EML6: variants seen among roughly 807,000 people sequenced by gnomAD.
EML6 encodes echinoderm microtubule-associated protein-like 6.
In EML6, 154 loss-of-function variants were observed where a neutral mutation model predicts 240.1. The ratio of observed to expected loss-of-function variants is 0.64; its 90% CI spans 0.56 to 0.73. EML6 has a LOEUF of 0.73. EML6 is among the 30% of genes least tolerant of loss of function. The pLI is 0.00. For missense variants in EML6, 2,964 were observed against 2,474.6 expected (o/e 1.20, Z -4.20); for synonymous variants, 1,148 against 899.0 (o/e 1.28, Z -4.95).
chr2:54,843,989 T>C (rs1669612633), intron 7 of EML6, 58 bp from the exon 8 acceptor site: 1 of 1,070,784 alleles, frequency 9.3e-7, no homozygotes, highest in Non-Finnish European at 1.4e-6. Flanking sequence ...TGTGTGTGTG[T>C]GTGTGTGTGT....
intron 2 of EML6, among the ~76,000 whole-genome samples, chr2:54,799,031 G>T (rs1669970260): frequency 6.6e-6 from 1 of 152,096 alleles, no homozygotes; most frequent in South Asian, 2.1e-4. Context: ...TGAGATGATT[G>T]TATTTTTTTT....
intron 34 of EML6, among the ~76,000 whole-genome samples, chr2:54,959,947 A>G (rs192603733): frequency 1.7e-4 from 26 of 152,294 alleles, no homozygotes; most frequent in Non-Finnish European, 3.4e-4. Flanking sequence ...TAATCTAATA[A>G]AAAGTCTGAA....
intron 13 of EML6, 143 bp from the exon 14 acceptor site, chr2:54,866,623 A>G: frequency 2.2e-6 from 1 of 461,330 alleles, no homozygotes; most frequent in Non-Finnish European, 4.0e-6. Context: ...TTCATTAGGA[A>G]AAAGTAATAT....
intron 2 of EML6, among the ~76,000 whole-genome samples, chr2:54,730,306 G>A (rs977449747): frequency 6.6e-6 from 1 of 152,184 alleles, no homozygotes; most frequent in African/African-American, 2.4e-5. Context: ...GAACTTGTTG[G>A]ATTTGAAGAG....
intron 26 of EML6, among the ~76,000 whole-genome samples, chr2:54,919,426 T>C: frequency 6.6e-6 from 1 of 152,202 alleles, no homozygotes; most frequent in East Asian, 1.9e-4. Context: ...TTGGACACTT[T>C]TCCTTTCTTC....
At chr2:54,851,601 A>G (rs1023229313) in intron 10 of EML6, among the ~76,000 whole-genome samples, 1 of 152,218 alleles carries the variant, frequency 6.6e-6, no homozygotes. Context: ...TTTTTAAAGT[A>G]GAGAAAATCT....
chr2:54,806,737 T>C lies in EML6; in HGVS notation c.198-6495T>C, dbSNP rs988636471. Among the ~76,000 whole-genome samples, 10 of 152,036 alleles carry C rather than the reference T, an allele frequency of 6.6e-5. No individual in the cohort carries two copies. In the East Asian group the frequency reaches 1.7e-3, roughly 26 times the overall value. On this transcript the variant is annotated intron_variant, in intron 2 of 41. Transcript: ENST00000356458. ...CAATACCACCTATATAGTGCTAGGT[T>C]TTAAGTGCTACTGTTTTAATCACTG...
In EML6 at chr2:54,877,984, G is replaced by C. The variant is rs144120966; in HGVS notation, c.2345-1563G>C. Among the ~76,000 whole-genome samples, 114 of 152,370 alleles carry C rather than the reference G, an allele frequency of 7.5e-4. 1 individual carries two copies. The highest frequency in any genetic ancestry group is 2.6e-3 in the African/African-American group (109 of 41,582). On this transcript the variant is annotated intron_variant, in intron 16 of 41. Transcript: ENST00000356458. Reference sequence around the variant, plus strand: ...GCCCTCAAAGCATGGGCATTGGTTAGCAATTGAGATGGGGTTGCCAGATTA... The same window carrying C: ...GCCCTCAAAGCATGGGCATTGGTTACCAATTGAGATGGGGTTGCCAGATTA...
chr2:54,925,904 C>G (rs948485265), intron 26 of EML6, among the ~76,000 whole-genome samples: 1 of 152,160 alleles, frequency 6.6e-6, no homozygotes, highest in Non-Finnish European at 1.5e-5. Context: ...TAAAACCCTC[C>G]ATGCCCTCAA....
At chr2:54,802,370 A>G (rs1670198905) in intron 2 of EML6, among the ~76,000 whole-genome samples, 3 of 152,202 alleles carry the variant, frequency 2.0e-5, no homozygotes, top group Admixed American at 2.0e-4. Context: ...TCACGCCTCT[A>G]AGCCCAGCAC....
intron 24 of EML6, among the ~76,000 whole-genome samples, chr2:54,909,850 C>CAAAAA (rs34171697): frequency 1.6e-4 from 11 of 68,474 alleles, no homozygotes; most frequent in Admixed American, 4.9e-4. Flanking sequence ...GACTCCATCT[C>CAAAAA]AAAAAAAAAA....
At chr2:54,866,740 C>T in intron 13 of EML6, 26 bp from the exon 14 acceptor site, 1 of 1,411,506 alleles carries the variant, frequency 7.1e-7, no homozygotes, top group Non-Finnish European at 9.8e-7. Flanking sequence ...AGGCATCTCA[C>T]CCAGATGTTT....
chr2:54,820,416 C>A lies in EML6; in HGVS notation c.479C>A (p.Pro160Gln). 1 of 1,549,668 alleles carries A rather than the reference C, an allele frequency of 6.5e-7. No homozygotes were observed. Among genetic ancestry groups the A allele is most frequent in the South Asian group, 1.2e-5 (1 of 83,750 alleles). The part of the protein sequence containing the change: ...SDRIFDISWD[P>Q]YQPNRVVSCG... ...CAGATTTTTGATATTTCCTGGGATCCATATCAGCCAAACAGAGTGGTTAGC... is the reference window on the plus strand; with the variant it reads ...CAGATTTTTGATATTTCCTGGGATCAATATCAGCCAAACAGAGTGGTTAGC... Residue 160 changes from proline to glutamine, a missense_variant, in exon 5 of 42, where the codon CCA becomes CAA. Coordinates refer to ENST00000356458, the MANE Select transcript of EML6 (RefSeq NM_001039753.4).
intron 2 of EML6, among the ~76,000 whole-genome samples, chr2:54,775,341 C>T (rs540464093): frequency 6.6e-6 from 1 of 152,160 alleles, no homozygotes; most frequent in Non-Finnish European, 1.5e-5. Flanking sequence ...GCCACACTGG[C>T]TTCTTTGCTA....
At chr2:54,728,989 C>T (rs1683036991) in intron 2 of EML6, among the ~76,000 whole-genome samples, 1 of 152,198 alleles carries the variant, frequency 6.6e-6, no homozygotes, top group Non-Finnish European at 1.5e-5. Flanking sequence ...AATGGCATAG[C>T]AGTGGGAGCT....
rs1558695975 is a variant in EML6, at chr2:54,928,528, C to T, written c.3877+14C>T. 2 of 1,544,904 alleles carry T rather than the reference C, an allele frequency of 1.3e-6. No homozygotes were observed. Among genetic ancestry groups the T allele is most frequent in the Non-Finnish European group, 8.8e-7 (1 of 1,142,210 alleles). On this transcript the variant is annotated intron_variant, in intron 27 of 41. Transcript: ENST00000356458. The stretch of plus-strand genomic sequence containing the variant: ...AAGAGGATGGAGGTGAGCCCCCCAC[C>T]TGCCACATGCCTCCTGCGCCGAATG...
chr2:54,727,556 G>A (rs1467305400), intron 2 of EML6, among the ~76,000 whole-genome samples: 4 of 152,168 alleles, frequency 2.6e-5, no homozygotes, highest in Admixed American at 2.0e-4. Context: ...TCGTTTCTGT[G>A]TATCCCGGTT....
At position 54,885,505 on chromosome 2, in the gene EML6, C is replaced by T. The variant is rs538315214; in HGVS notation, c.2439-5549C>T. The stretch of plus-strand genomic sequence containing the variant: ...GTTTTTATGGTTATCTGGTTGATTT[C>T]TTCTCTTGGTGTTAAACACATTTCG... On this transcript the variant is annotated intron_variant, in intron 17 of 41. Transcript: ENST00000356458. Among the ~76,000 whole-genome samples, 26 of 152,104 alleles carry T rather than the reference C, an allele frequency of 1.7e-4. No individual in the cohort carries two copies. In the South Asian group the frequency reaches 4.6e-3, roughly 27 times the overall value.
At chr2:54,824,194 T>C (rs1486991064) in intron 5 of EML6, among the ~76,000 whole-genome samples, 1 of 152,210 alleles carries the variant, frequency 6.6e-6, no homozygotes, top group Admixed American at 6.5e-5. Context: ...ACTCTAACTT[T>C]TAAATCGGTA....
Sources: allele counts gnomAD v4.1 joint callset (sites outside exome capture counted in the v4.1 genomes callset), GRCh38; gene constraint gnomAD v4.1.1; transcripts MANE v1.5; gene names NCBI Gene and HGNC (gene_info 2026-07-23, HGNC 2026-07-21).